The following ZNF79 variants were observed in gnomAD, a reference collection of about 807,000 sequenced individuals.
ZNF79 encodes the protein ZNFpT7.
In ZNF79, 13 loss-of-function variants were observed where a neutral mutation model predicts 14.9. That is an observed-to-expected ratio of 0.87 (90% CI 0.57 to 1.38). The LOEUF is 1.38. Ranked by LOEUF, ZNF79 falls within the 40% of genes most tolerant of loss-of-function variation. The probability of loss-of-function intolerance (pLI) is 0.00; values close to 1 mark genes in which losing one functional copy is unlikely to be tolerated. For synonymous variants in ZNF79, 223 were observed against 235.1 expected, an observed-to-expected ratio of 0.95 and a Z score of 0.47; for missense variants, 631 against 630.6, an observed-to-expected ratio of 1.00 and a Z score of -0.01.
At chr9:127,431,611 T>G (rs1833863463) in intron 2 of ZNF79, among the ~76,000 whole-genome samples, 1 of 152,204 alleles carries the variant, frequency 6.6e-6, no homozygotes, top group Non-Finnish European at 1.5e-5. Flanking sequence ...GTTTTTGTTT[T>G]TGTTGCAATT....
Position 127,424,502 on chromosome 9 carries a change from T to G in ZNF79, c.-286T>G. The G allele has an allele frequency of 2.5e-6, 1 of 401,036 alleles. No individual in the cohort carries two copies. The allele number at this position is 401,036 out of a possible 1,614,324, so 24.8% of individuals were successfully genotyped here. ...TGCCAGTTGCCAGTTGCCAGTCGTT[T>G]TTCGGAAAGCTGGCAGCGGCTTTTT... On this transcript the variant is annotated 5_prime_UTR_variant, in exon 1 of 5. Coordinates refer to ENST00000342483, the MANE Select transcript of ZNF79 (RefSeq NM_007135.3).
Position 127,444,597 on chromosome 9 carries a change from TA to T in ZNF79, c.898del (p.Thr300ProfsTer106), listed in dbSNP as rs747351787. On this transcript the variant is annotated frameshift_variant, in exon 5 of 5. Coordinates refer to ENST00000342483, the MANE Select transcript of ZNF79 (RefSeq NM_007135.3). LOFTEE classifies it low-confidence loss of function (END_TRUNC). ...CTCTTGTTCAGCATCAGAGAATTCA[TA>T]CCGGAGAGAAGCCCTACGAATGCAG... ...SALVQHQRIH[T>X]GEKPYECSDC... is the part of the protein sequence containing the mutation. 1.9e-6 allele frequency: 3 copies of T among 1,611,066 alleles called. No individual in the cohort carries two copies. Among genetic ancestry groups the T allele is most frequent in the Non-Finnish European group, 2.5e-6 (3 of 1,179,328 alleles).
rs1438724673 is a variant in ZNF79 at position 127,424,805 on chromosome 9, T to G, written c.16+2T>G. ...GGACTCAAATGCTGGAGGAAGGAGGTGAGGAGTGGTAGAGGGAGCGATTGT... is the reference window on the plus strand; with the variant it reads ...GGACTCAAATGCTGGAGGAAGGAGGGGAGGAGTGGTAGAGGGAGCGATTGT... On this transcript the variant is annotated splice_donor_variant, in intron 1 of 4. Coordinates refer to ENST00000342483, the MANE Select transcript of ZNF79 (RefSeq NM_007135.3). LOFTEE classifies it high-confidence loss of function. 1 of 1,612,850 alleles carries G rather than the reference T, an allele frequency of 6.2e-7. No individual in the cohort carries two copies. Among genetic ancestry groups the G allele is most frequent in the Non-Finnish European group, 8.5e-7 (1 of 1,179,760 alleles).
intron 4 of ZNF79, among the ~76,000 whole-genome samples, chr9:127,442,798 G>T (rs535974321): frequency 1.3e-5 from 2 of 152,170 alleles, no homozygotes; most frequent in Admixed American, 1.3e-4. Flanking sequence ...GGAGGTCGAG[G>T]CTGCAGTGAG....
rs371712913 is a variant in ZNF79 at position 127,444,911 on chromosome 9, T to G, written c.1211T>G (p.Leu404Arg). The change falls in exon 5 of 5, where the codon CTC (leucine) becomes CGC (arginine). Residue 404 changes from leucine to arginine, a missense_variant. Coordinates refer to ENST00000342483, the MANE Select transcript of ZNF79 (RefSeq NM_007135.3). ...CGKAFSQSTN[L>R]IIHQKTHTGE... Reference sequence around the variant, plus strand: ...AAGGCCTTCAGCCAGAGTACCAATCTCATAATCCACCAAAAGACCCACACC... The same window carrying G: ...AAGGCCTTCAGCCAGAGTACCAATCGCATAATCCACCAAAAGACCCACACC... The G allele has an allele frequency of 3.7e-6, 6 of 1,613,906 alleles. No homozygotes were observed. The highest frequency in any genetic ancestry group is 5.1e-6 in the Non-Finnish European group (6 of 1,180,024).
intron 2 of ZNF79, 100 bp from the exon 3 acceptor site, chr9:127,434,990 C>T (rs2131951923): frequency 7.1e-7 from 1 of 1,408,150 alleles, no homozygotes; most frequent in South Asian, 1.4e-5. Context: ...TGAATCTTTT[C>T]AAAGACTTTT....
At chr9:127,437,225 AAGC>A (rs1833964222) in intron 4 of ZNF79, among the ~76,000 whole-genome samples, 2 of 151,954 alleles carry the variant, frequency 1.3e-5, no homozygotes, top group African/African-American at 4.8e-5. Context: ...ACCATCCTCT[AAGC>A]AGACTGTTGC....
rs781045400 is a variant in ZNF79 at position 127,445,108 on chromosome 9, G to A, written c.1408G>A (p.Val470Met). The A allele has an allele frequency of 2.4e-5, 38 of 1,613,956 alleles. No individual in the cohort carries two copies. The highest frequency in any genetic ancestry group is 3.0e-5 in the Non-Finnish European group (35 of 1,180,020). ...TCAGCATCAGAGAATCCACACAGGC[G>A]TGAAACCCTACGAATGCAGCGAGTG... ...LSQHQRIHTGVKPYECSECGK... is the reference protein window; with the variant it reads ...LSQHQRIHTGMKPYECSECGK... Residue 470 changes from valine (V) to methionine (M), a missense_variant, in exon 5 of 5, where the codon GTG becomes ATG. Coordinates refer to ENST00000342483, the MANE Select transcript of ZNF79 (RefSeq NM_007135.3).
intron 4 of ZNF79, 57 bp downstream of exon 4, chr9:127,436,060 C>T: frequency 7.0e-7 from 1 of 1,430,904 alleles, no homozygotes; most frequent in Non-Finnish European, 9.9e-7. Context: ...GCCTTTAAAT[C>T]ACGCATGAGT....
In ZNF79 at chr9:127,445,038, G is replaced by A; in HGVS notation, c.1338G>A (p.Glu446=). ...TCCACACCGGAGAAAAACCTTATGA[G>A]TGTAATGAGTGTGGTAAAGCGTTTA... ...HIIHTGEKPY[E]CNECGKAFNQ... Residue 446 remains glutamate, a synonymous_variant, in exon 5 of 5, where the codon GAG becomes GAA. Coordinates refer to ENST00000342483, the MANE Select transcript of ZNF79 (RefSeq NM_007135.3). 6.2e-7 allele frequency: 1 copy of A among 1,613,986 alleles called. No individual in the cohort carries two copies. Among genetic ancestry groups the A allele is most frequent in the Non-Finnish European group, 8.5e-7 (1 of 1,180,010 alleles).
rs139593956 is a variant in ZNF79 at position 127,439,026 on chromosome 9, C to T, written c.328+3023C>T. The stretch of plus-strand genomic sequence containing the variant: ...ACTAGGGAGGCTGAGGCACGAGAAT[C>T]GCTTGAACCCGGGAGGCAGAGACTG... On this transcript the variant is annotated intron_variant, in intron 4 of 4. Coordinates refer to ENST00000342483, the MANE Select transcript of ZNF79 (RefSeq NM_007135.3). Among the ~76,000 whole-genome samples the T allele has an allele frequency of 1.9e-4, 29 of 151,890 alleles. No individual in the cohort carries two copies. The East Asian group carries it at 5.2e-3, about 27-fold the overall frequency.
At chr9:127,435,866 C>A in intron 3 of ZNF79, 42 bp from the exon 4 acceptor site, 1 of 1,565,676 alleles carries the variant, frequency 6.4e-7, no homozygotes, top group South Asian at 1.1e-5. Flanking sequence ...GCTGTTCATA[C>A]TTACTTACAA....
Position 127,424,677 on chromosome 9 carries a change from T to C in ZNF79, c.-111T>C. ...GCGGGGAGAGGCTGGAGAGGAAGAG[T>C]CCGGCCTGGGAGCCGTCAGAGCAGC... On this transcript the variant is annotated 5_prime_UTR_variant, in exon 1 of 5. Transcript: ENST00000342483. The C allele has an allele frequency of 6.5e-7, 1 of 1,538,156 alleles. No homozygotes were observed. The highest frequency in any genetic ancestry group is 2.3e-4 in the Middle Eastern group (1 of 4,408).
At position 127,424,714 on chromosome 9, in the gene ZNF79, G is replaced by T; in HGVS notation, c.-74G>T. 2 of 1,609,022 alleles carry T rather than the reference G, an allele frequency of 1.2e-6. No homozygotes were observed. Among genetic ancestry groups the T allele is most frequent in the South Asian group, 1.1e-5 (1 of 90,570 alleles). ...GCCGTCAGAGCAGCCCTGCAGAACGGGGTGGGGGCTGCTGTAGATAGACCC... is the reference window on the plus strand; with the variant it reads ...GCCGTCAGAGCAGCCCTGCAGAACGTGGTGGGGGCTGCTGTAGATAGACCC... On this transcript the variant is annotated 5_prime_UTR_variant, in exon 1 of 5. Coordinates refer to ENST00000342483, the MANE Select transcript of ZNF79 (RefSeq NM_007135.3).
intron 2 of ZNF79, among the ~76,000 whole-genome samples, chr9:127,432,947 G>T (rs1172399750): frequency 6.6e-6 from 1 of 151,776 alleles, no homozygotes; most frequent in Non-Finnish European, 1.5e-5. Flanking sequence ...ATATTTTTTA[G>T]TTTTTTGTAT....
chr9:127,441,771 C>T (rs1242040948), intron 4 of ZNF79, among the ~76,000 whole-genome samples: 1 of 151,810 alleles, frequency 6.6e-6, no homozygotes, highest in Non-Finnish European at 1.5e-5. Context: ...CGGTAAAACC[C>T]TGTCTCTACT....
intron 4 of ZNF79, among the ~76,000 whole-genome samples, chr9:127,437,899 T>C (rs1266784430): frequency 6.6e-6 from 1 of 151,884 alleles, no homozygotes; most frequent in African/African-American, 2.4e-5. Flanking sequence ...TATTTTGAGG[T>C]TGACATGATG....
chr9:127,443,564 C>T (rs1834088749), intron 4 of ZNF79, among the ~76,000 whole-genome samples: 1 of 152,124 alleles, frequency 6.6e-6, no homozygotes, highest in African/African-American at 2.4e-5. Context: ...TATGACATTA[C>T]GATGGCTTTG....
intron 1 of ZNF79, among the ~76,000 whole-genome samples, chr9:127,425,079 G>T (rs780581944): frequency 1.3e-5 from 2 of 152,164 alleles, no homozygotes; most frequent in Non-Finnish European, 2.9e-5. Flanking sequence ...ACCCCAGTCT[G>T]CCCAGATGGA....
Sources: gnomAD v4.1 joint callset for allele counts (sites outside exome capture counted in the v4.1 genomes callset) on GRCh38, gnomAD v4.1.1 for gene constraint, MANE v1.5 for transcripts, NCBI Gene and HGNC (gene_info 2026-07-23, HGNC 2026-07-21) for gene names.